The following ATRNL1 variants were observed in gnomAD, a reference collection of about 807,000 sequenced individuals.
ATRNL1 encodes the protein attractin-like protein 1.
A neutral mutation model predicts 182.7 loss-of-function variants in ATRNL1; 95 were observed. The ratio of observed to expected loss-of-function variants is 0.52; its 90% CI spans 0.44 to 0.62. The LOEUF (loss-of-function observed/expected upper bound fraction) is 0.62, where lower values mean the gene tolerates loss of function less well. Ranked by LOEUF, ATRNL1 falls within the 20% of genes least tolerant of loss-of-function variation. ATRNL1 has a pLI of 0.00. For synonymous variants in ATRNL1, 576 were observed against 568.3 expected, an observed-to-expected ratio of 1.01 and a Z score of -0.19; for missense variants, 1,471 against 1,679.5, an observed-to-expected ratio of 0.88 and a Z score of 2.17.
At chr10:115,755,573 G>A (rs1948565716) in intron 27 of ATRNL1, among the ~76,000 whole-genome samples, 1 of 152,172 alleles carries the variant, frequency 6.6e-6, no homozygotes, top group Non-Finnish European at 1.5e-5. Context: ...CAGTTTGCCA[G>A]TATTTTACTG....
intron 8 of ATRNL1, among the ~76,000 whole-genome samples, chr10:115,212,181 C>T (rs1486312660): frequency 1.3e-5 from 2 of 151,844 alleles, no homozygotes; most frequent in Non-Finnish European, 2.9e-5. Context: ...GCCCCACTCC[C>T]TCTCTCTTGA....
At chr10:115,883,114 C>T (rs577192728) in intron 28 of ATRNL1, among the ~76,000 whole-genome samples, 6 of 152,284 alleles carry the variant, frequency 3.9e-5, no homozygotes, top group African/African-American at 1.4e-4. Context: ...CAGGGCTTTG[C>T]GCAGATGGTA....
chr10:115,509,199 G>GA (rs1313959741), intron 24 of ATRNL1, among the ~76,000 whole-genome samples: 10 of 151,830 alleles, frequency 6.6e-5, no homozygotes, highest in South Asian at 2.1e-4. Flanking sequence ...CTACTGCTTA[G>GA]AAAAAAAAGA....
intron 28 of ATRNL1, among the ~76,000 whole-genome samples, chr10:115,888,102 GA>G (rs542372410): frequency 2.3e-3 from 356 of 152,228 alleles, no homozygotes; most frequent in African/African-American, 7.9e-3. Flanking sequence ...TTGCTCTCTA[GA>G]CTTGTTCTGT....
chr10:115,482,445 T>C (rs1423413393), intron 24 of ATRNL1, among the ~76,000 whole-genome samples: 1 of 151,102 alleles, frequency 6.6e-6, no homozygotes, highest in Non-Finnish European at 1.5e-5. Context: ...CTTTTAACTT[T>C]TATGTAATTT....
chr10:115,203,206 A>G (rs1256010462), intron 8 of ATRNL1, among the ~76,000 whole-genome samples: 4 of 152,162 alleles, frequency 2.6e-5, no homozygotes, highest in Non-Finnish European at 5.9e-5. Flanking sequence ...TATTATGGCC[A>G]TCTACAAGTA....
At chr10:115,107,218 T>G (rs1394492972) in intron 1 of ATRNL1, among the ~76,000 whole-genome samples, 1 of 152,114 alleles carries the variant, frequency 6.6e-6, no homozygotes, top group Non-Finnish European at 1.5e-5. Context: ...AAGGCACAAT[T>G]CATCCTGGGG....
intron 26 of ATRNL1, among the ~76,000 whole-genome samples, chr10:115,686,617 A>G (rs1194714018): frequency 6.6e-6 from 1 of 152,034 alleles, no homozygotes; most frequent in African/African-American, 2.4e-5. Flanking sequence ...GTGCTCAGTT[A>G]GCATTTGTAA....
At chr10:115,442,922 A>C (rs1238044148) in intron 21 of ATRNL1, among the ~76,000 whole-genome samples, 1 of 152,090 alleles carries the variant, frequency 6.6e-6, no homozygotes, top group Non-Finnish European at 1.5e-5. Context: ...AAAATTTAGA[A>C]TGCTCCTTAG....
At position 115,691,359 on chromosome 10, in the gene ATRNL1, C is replaced by T. The variant is rs923537516; in HGVS notation, c.3796-35889C>T. ...TAGCTCATTATTTTGATTTGCATTT[C>T]CCTGATGGGTACTAAAGTTGAGCAC... On this transcript the variant is annotated intron_variant, in intron 26 of 28. Coordinates refer to ENST00000355044, the MANE Select transcript of ATRNL1 (RefSeq NM_207303.4). Among the ~76,000 whole-genome samples, 6 of 152,220 alleles carry T rather than the reference C, an allele frequency of 3.9e-5. No individual in the cohort carries two copies. In the South Asian group the frequency reaches 1.0e-3, roughly 26 times the overall value.
At chr10:115,815,285 A>G (rs1342102355) in intron 27 of ATRNL1, among the ~76,000 whole-genome samples, 2 of 152,082 alleles carry the variant, frequency 1.3e-5, no homozygotes, top group Non-Finnish European at 2.9e-5. Context: ...GTCTAGTTTT[A>G]TTATTTGAAA....
chr10:115,835,903 G>A (rs905229014), intron 27 of ATRNL1, among the ~76,000 whole-genome samples: 1 of 152,124 alleles, frequency 6.6e-6, no homozygotes, highest in Non-Finnish European at 1.5e-5. Flanking sequence ...ACCCACTCAG[G>A]CAGAGGCTGC....
chr10:115,415,669 C>G (rs1357259722), intron 20 of ATRNL1, among the ~76,000 whole-genome samples: 2 of 151,536 alleles, frequency 1.3e-5, no homozygotes, highest in African/African-American at 4.8e-5. Context: ...AATTAACATC[C>G]TTTTTTTACT....
At chr10:115,480,207 AACACACAC>A (rs72119794) in intron 24 of ATRNL1, among the ~76,000 whole-genome samples, 6 of 146,638 alleles carry the variant, frequency 4.1e-5, no homozygotes, top group East Asian at 4.0e-4. Flanking sequence ...GAGTCATTTG[AACACACAC>A]ACACACACAC....
At chr10:115,162,607 G>A (rs554329450) in intron 6 of ATRNL1, among the ~76,000 whole-genome samples, 2 of 150,978 alleles carry the variant, frequency 1.3e-5, no homozygotes, top group Non-Finnish European at 2.9e-5. Flanking sequence ...TTACCATGGC[G>A]GTTTATTGAT....
intron 25 of ATRNL1, among the ~76,000 whole-genome samples, chr10:115,532,262 C>T (rs1554988524): frequency 6.6e-6 from 1 of 152,192 alleles, no homozygotes; most frequent in Non-Finnish European, 1.5e-5. Context: ...TACCCATGAG[C>T]ATGGAATGTT....
At chr10:115,741,164 G>A (rs2532703) in intron 27 of ATRNL1, among the ~76,000 whole-genome samples, 144,657 of 152,214 alleles carry the variant, frequency 0.95, 69,152 homozygotes, top group East Asian at 1. Context: ...AGAGATATGT[G>A]CGTGTAAAAA....
chr10:115,199,223 G>T (rs1349360883), intron 8 of ATRNL1, among the ~76,000 whole-genome samples: 1 of 151,468 alleles, frequency 6.6e-6, no homozygotes, highest in Non-Finnish European at 1.5e-5. Context: ...TCACCTCATT[G>T]GTTACATTTA....
chr10:115,248,088 G>C (rs542242038), intron 10 of ATRNL1, among the ~76,000 whole-genome samples: 1 of 152,108 alleles, frequency 6.6e-6, no homozygotes, highest in Non-Finnish European at 1.5e-5. Flanking sequence ...CTAGATAGGA[G>C]GAATACATTG....
Sources: gnomAD v4.1 joint callset for allele counts (sites outside exome capture counted in the v4.1 genomes callset) on GRCh38, gnomAD v4.1.1 for gene constraint, MANE v1.5 for transcripts, NCBI Gene and HGNC (gene_info 2026-07-23, HGNC 2026-07-21) for gene names.